ZNRF3: variants seen among roughly 807,000 people sequenced by gnomAD.
ZNRF3 encodes the protein E3 ubiquitin-protein ligase ZNRF3.
A neutral mutation model predicts 72.5 loss-of-function variants in ZNRF3; 23 were observed. That is an observed-to-expected ratio of 0.32 (90% CI 0.23 to 0.45). The LOEUF (loss-of-function observed/expected upper bound fraction) is 0.45. Among genes scored for constraint, ZNRF3 ranks in the 20% least tolerant of loss-of-function variants. The probability of loss-of-function intolerance (pLI) is 1.00; values close to 1 mark genes in which losing one functional copy is unlikely to be tolerated. For synonymous variants in ZNRF3, 610 were observed against 545.3 expected, an observed-to-expected ratio of 1.12 and a Z score of -1.65; for missense variants, 1,169 against 1,272.1, an observed-to-expected ratio of 0.92 and a Z score of 1.23.
rs61520434 is a variant in ZNRF3 at position 28,937,174 on chromosome 22, AATATATAT to A, written c.301-49867_301-49860del. Among the ~76,000 whole-genome samples, 474 of 78,426 alleles carry A rather than the reference AATATATAT, an allele frequency of 6.0e-3. 1 individual carries two copies. The highest frequency in any genetic ancestry group is 0.014 in the African/African-American group (218 of 15,244). 51.5% of individuals were successfully genotyped at this position (78,426 alleles called of 152,430 possible). On this transcript the variant is annotated intron_variant, in intron 1 of 8. Coordinates refer to ENST00000544604, the MANE Select transcript of ZNRF3 (RefSeq NM_001206998.2). ...CGCTGCCAACCTACTTCTCTCTTAT[AATATATAT>A]ATATATATATATATATATATATATA...
intron 2 of ZNRF3, among the ~76,000 whole-genome samples, chr22:28,996,256 T>G (rs1222050639): frequency 6.6e-6 from 1 of 152,222 alleles, no homozygotes; most frequent in Non-Finnish European, 1.5e-5. Context: ...ATGGTAATAT[T>G]GAAGTGACAT....
chr22:28,991,054 C>T lies in ZNRF3; in HGVS notation c.426+3853C>T, dbSNP rs373801352. Among the ~76,000 whole-genome samples, 69 of 151,728 alleles carry T rather than the reference C, an allele frequency of 4.5e-4. No homozygotes were observed. The South Asian group carries it at 8.7e-3, about 19-fold the overall frequency. On this transcript the variant is annotated intron_variant, in intron 2 of 8. Transcript: ENST00000544604. The stretch of plus-strand genomic sequence containing the variant: ...CCTAGTACTGTGGGAGGCTGAGGCG[C>T]GCCGATTGCATGAGCTCAGGGATTT...
intron 2 of ZNRF3, among the ~76,000 whole-genome samples, chr22:29,037,424 T>G (rs2036886502): frequency 6.6e-6 from 1 of 152,198 alleles, no homozygotes; most frequent in Non-Finnish European, 1.5e-5. Context: ...TAAAAGCACT[T>G]CCTTATGAAA....
chr22:28,914,586 G>A (rs1445420976), intron 1 of ZNRF3, among the ~76,000 whole-genome samples: 3 of 150,700 alleles, frequency 2.0e-5, no homozygotes, highest in Non-Finnish European at 4.4e-5. Context: ...AGGCCGAGGT[G>A]GGAGGATCAC....
chr22:28,941,157 G>T (rs566905081), intron 1 of ZNRF3, among the ~76,000 whole-genome samples: 174 of 152,306 alleles, frequency 1.1e-3, no homozygotes, highest in Non-Finnish European at 1.9e-3. Context: ...AAAATGGTTG[G>T]CTTAGATGCC....
At chr22:28,914,387 T>A (rs1326894955) in intron 1 of ZNRF3, among the ~76,000 whole-genome samples, 1 of 151,542 alleles carries the variant, frequency 6.6e-6, no homozygotes, top group Non-Finnish European at 1.5e-5. Flanking sequence ...GTGTGTGACA[T>A]AAGCGGGGCT....
At chr22:29,036,952 G>A (rs1480743108) in intron 2 of ZNRF3, among the ~76,000 whole-genome samples, 1 of 152,190 alleles carries the variant, frequency 6.6e-6, no homozygotes, top group Non-Finnish European at 1.5e-5. Flanking sequence ...CCATATGTCT[G>A]CAACTTCCTG....
At chr22:28,973,326 A>C (rs1399007489) in intron 1 of ZNRF3, among the ~76,000 whole-genome samples, 1 of 152,038 alleles carries the variant, frequency 6.6e-6, no homozygotes, top group African/African-American at 2.4e-5. Context: ...AAAAGTTTTT[A>C]ATTTTGATGA....
At chr22:28,989,104 T>C (rs1021793111) in intron 2 of ZNRF3, among the ~76,000 whole-genome samples, 13 of 152,196 alleles carry the variant, frequency 8.5e-5, no homozygotes, top group Non-Finnish European at 1.3e-4. Flanking sequence ...ACTCACCAAA[T>C]ATTTATTGGA....
chr22:29,046,701 C>A lies in ZNRF3; in HGVS notation c.745-15C>A. The A allele has an allele frequency of 6.3e-7, 1 of 1,586,394 alleles. No individual in the cohort carries two copies. Among genetic ancestry groups the A allele is most frequent in the Admixed American group, 1.7e-5 (1 of 57,362 alleles). Reference sequence around the variant, plus strand: ...ACGTACTGGACCCTCACACAGACTACATTCTGCCCTGCAGAATTCCATGAA... The same window carrying A: ...ACGTACTGGACCCTCACACAGACTAAATTCTGCCCTGCAGAATTCCATGAA... On this transcript the variant is annotated splice_polypyrimidine_tract_variant and intron_variant, in intron 5 of 8. Transcript: ENST00000544604.
At chr22:28,918,529 C>T (rs1036459171) in intron 1 of ZNRF3, among the ~76,000 whole-genome samples, 7 of 36,766 alleles carry the variant, frequency 1.9e-4, no homozygotes, top group Non-Finnish European at 4.5e-4. Flanking sequence ...TGTGTATCTG[C>T]ATGTGTGCGT....
At position 29,050,287 on chromosome 22, in the gene ZNRF3, G is replaced by T. The variant is rs918479647; in HGVS notation, c.2106G>T (p.Lys702Asn). The T allele has an allele frequency of 3.8e-6, 6 of 1,597,640 alleles. No homozygotes were observed. The African/African-American group carries it at 6.7e-5, about 18-fold the overall frequency. The change falls in exon 8 of 9, where the codon AAG becomes AAT. Residue 702 changes from lysine (K) to asparagine (N), a missense_variant. Lys to Asn is a moderately conservative substitution (Grantham distance 94). Around this residue, in one of 2 missense-constraint regions of ZNRF3, gnomAD observed 783 missense variants for 731.4 expected, o/e 1.07. Transcript: ENST00000544604. ...CCCCTGACCTCAGGAGGACCTGGAA[G>T]GGGGGCCACGAGTTGCCGTCGTGTG... ...GAAPDLRRTW[K>N]GGHELPSCAC...
chr22:28,995,983 C>A (rs1391994955), intron 2 of ZNRF3, among the ~76,000 whole-genome samples: 2 of 152,190 alleles, frequency 1.3e-5, no homozygotes, highest in Non-Finnish European at 2.9e-5. Context: ...GCCATGTTGC[C>A]CAGGCTGGTC....
intron 1 of ZNRF3, among the ~76,000 whole-genome samples, chr22:28,955,024 T>A (rs1003454731): frequency 1.4e-5 from 2 of 143,766 alleles, no homozygotes; most frequent in Non-Finnish European, 3.0e-5. Context: ...GAAAATGGTA[T>A]TTTTGGTGTT....
At chr22:28,966,074 T>G (rs571984869) in intron 1 of ZNRF3, among the ~76,000 whole-genome samples, 1 of 152,180 alleles carries the variant, frequency 6.6e-6, no homozygotes, top group Non-Finnish European at 1.5e-5. Context: ...CTCCACCCAC[T>G]CCATAAATTG....
chr22:28,941,804 G>T (rs957410875), intron 1 of ZNRF3, among the ~76,000 whole-genome samples: 1 of 152,026 alleles, frequency 6.6e-6, no homozygotes, highest in African/African-American at 2.4e-5. Context: ...CCAGCTACTC[G>T]GGAGGCTGAG....
In ZNRF3 at chr22:28,928,738, C is replaced by T. The variant is rs562562698; in HGVS notation, c.300+44672C>T. ...GTCTCGATCTCCTGACCTCATGATCCGCCCGCCTCGGCCTCCCAAAGTGCT... is the reference window on the plus strand; with the variant it reads ...GTCTCGATCTCCTGACCTCATGATCTGCCCGCCTCGGCCTCCCAAAGTGCT... On this transcript the variant is annotated intron_variant, in intron 1 of 8. Transcript: ENST00000544604. 7.2e-5 allele frequency among the ~76,000 whole-genome samples: 11 copies of T among 152,038 alleles called. No homozygotes were observed. In the South Asian group the frequency reaches 1.7e-3, roughly 23 times the overall value.
intron 2 of ZNRF3, among the ~76,000 whole-genome samples, chr22:29,024,300 T>C (rs1182061251): frequency 6.6e-6 from 1 of 151,392 alleles, no homozygotes; most frequent in Non-Finnish European, 1.5e-5. Flanking sequence ...TTTTTTTTGC[T>C]TTCAATTTTC....
chr22:28,994,176 C>CCTTTTT (rs1555980522), intron 2 of ZNRF3, among the ~76,000 whole-genome samples: 1 of 39,808 alleles, frequency 2.5e-5, no homozygotes, highest in African/African-American at 1.1e-4. Flanking sequence ...CAGTTCCTTT[C>CCTTTTT]TTTTTTTTTT....
Sources: allele counts gnomAD v4.1 joint callset (sites outside exome capture counted in the v4.1 genomes callset), GRCh38; gene constraint gnomAD v4.1.1; regional missense constraint gnomAD v4.1.1; transcripts MANE v1.5; gene names NCBI Gene and HGNC (gene_info 2026-07-23, HGNC 2026-07-21).